NSMCE2: variants seen among roughly 807,000 people sequenced by gnomAD.
NSMCE2 encodes the protein E3 SUMO-protein ligase NSE2.
In NSMCE2, 24 loss-of-function variants were observed where a neutral mutation model predicts 23.8. That is an observed-to-expected ratio of 1.01 (90% CI 0.73 to 1.42). The LOEUF (loss-of-function observed/expected upper bound fraction) is 1.42, where lower values mean the gene tolerates loss of function less well. Ranked by LOEUF, NSMCE2 falls within the 40% of genes most tolerant of loss-of-function variation. The pLI is 0.00. For missense variants in NSMCE2, 284 were observed against 296.5 expected (o/e 0.96, Z 0.31); for synonymous variants, 92 against 94.1 (o/e 0.98, Z 0.13).
chr8:125,259,780 G>T (rs1316643348), intron 5 of NSMCE2, among the ~76,000 whole-genome samples: 2 of 152,152 alleles, frequency 1.3e-5, no homozygotes. Flanking sequence ...CTAAAACAGG[G>T]TAGGTAATGT....
At chr8:125,266,565 T>C (rs1327877646) in intron 5 of NSMCE2, among the ~76,000 whole-genome samples, 1 of 152,226 alleles carries the variant, frequency 6.6e-6, no homozygotes, top group African/African-American at 2.4e-5. Context: ...TTTTATACAA[T>C]GTATTATCAA....
At chr8:125,153,642 C>A (rs1475512881) in intron 4 of NSMCE2, among the ~76,000 whole-genome samples, 2 of 152,170 alleles carry the variant, frequency 1.3e-5, no homozygotes, top group Non-Finnish European at 2.9e-5. Flanking sequence ...GGTTCTTCTA[C>A]TTTCTAAGTT....
Position 125,272,777 on chromosome 8 carries a change from G to A in NSMCE2, c.419-84442G>A, listed in dbSNP as rs553305747. Among the ~76,000 whole-genome samples, 344 of 120,222 alleles carry A rather than the reference G, an allele frequency of 2.9e-3. 17 individuals carry two copies. Among genetic ancestry groups the A allele is most frequent in the African/African-American group, 9.6e-3 (296 of 30,682 alleles). The allele number at this position is 120,222 out of a possible 152,430, so 78.9% of individuals were successfully genotyped here. On this transcript the variant is annotated intron_variant, in intron 5 of 7. Coordinates refer to ENST00000287437, the MANE Select transcript of NSMCE2 (RefSeq NM_173685.4). ...CACGTATATATATATACACACACAC[G>A]TATATATATACACATGTGTATATAT... is the stretch of plus-strand genomic sequence containing the variant.
At chr8:125,316,404 A>G (rs1040630711) in intron 5 of NSMCE2, among the ~76,000 whole-genome samples, 3 of 152,350 alleles carry the variant, frequency 2.0e-5, no homozygotes, top group Non-Finnish European at 4.4e-5. Flanking sequence ...AAAGTGTATG[A>G]TAAGGTACAA....
chr8:125,238,353 A>AGC (rs1384347226), intron 5 of NSMCE2, among the ~76,000 whole-genome samples: 2 of 152,246 alleles, frequency 1.3e-5, no homozygotes, highest in Admixed American at 6.5e-5. Context: ...AAAAAAATAA[A>AGC]GCACAAGTTC....
chr8:125,261,174 A>G (rs534843380), intron 5 of NSMCE2, among the ~76,000 whole-genome samples: 1 of 152,294 alleles, frequency 6.6e-6, no homozygotes, highest in South Asian at 2.1e-4. Flanking sequence ...GAATTGTTCA[A>G]AGTTTATTGT....
chr8:125,193,387 A>G (rs543762202), intron 5 of NSMCE2, among the ~76,000 whole-genome samples: 9 of 152,356 alleles, frequency 5.9e-5, no homozygotes, highest in South Asian at 2.1e-4. Flanking sequence ...ACTTCTGTTT[A>G]AAAATTAGCA....
chr8:125,144,232 C>T (rs920433260), intron 3 of NSMCE2, among the ~76,000 whole-genome samples: 2 of 152,148 alleles, frequency 1.3e-5, no homozygotes, highest in African/African-American at 4.8e-5. Context: ...TAGGCTACAG[C>T]TATAGGGCAG....
rs376771234 is a variant in NSMCE2, at chr8:125,333,584, G to A, written c.419-23635G>A. ...GGCTGGAGTGCAGTGGCGCGATCTC[G>A]GCTCACTGCAAGCTCCGCCTCCCGG... On this transcript the variant is annotated intron_variant, in intron 5 of 7. Coordinates refer to ENST00000287437, the MANE Select transcript of NSMCE2 (RefSeq NM_173685.4). Among the ~76,000 whole-genome samples, 590 of 125,456 alleles carry A rather than the reference G, an allele frequency of 4.7e-3. 5 individuals carry two copies. Among genetic ancestry groups the A allele is most frequent in the African/African-American group, 0.017 (569 of 32,728 alleles). The allele number at this position is 125,456 out of a possible 152,430, so 82.3% of individuals were successfully genotyped here.
At chr8:125,206,671 T>C (rs1422459360) in intron 5 of NSMCE2, among the ~76,000 whole-genome samples, 1 of 152,222 alleles carries the variant, frequency 6.6e-6, no homozygotes, top group Non-Finnish European at 1.5e-5. Flanking sequence ...AGTTGTAGAC[T>C]GTCTCATGGA....
intron 5 of NSMCE2, among the ~76,000 whole-genome samples, chr8:125,224,906 A>G (rs1825029428): frequency 1.3e-5 from 2 of 152,314 alleles, no homozygotes; most frequent in East Asian, 3.9e-4. Flanking sequence ...GATTGACTTT[A>G]TTGAGGAAAA....
At chr8:125,333,339 T>G (rs1829950380) in intron 5 of NSMCE2, among the ~76,000 whole-genome samples, 1 of 150,970 alleles carries the variant, frequency 6.6e-6, no homozygotes, top group Admixed American at 6.6e-5. Flanking sequence ...CTGGGTAATT[T>G]TTTATTTTTT....
chr8:125,201,486 G>T (rs560216662), intron 5 of NSMCE2, among the ~76,000 whole-genome samples: 5 of 152,320 alleles, frequency 3.3e-5, no homozygotes, highest in South Asian at 2.1e-4. Context: ...TTGTTTGCCT[G>T]GGTATCACCA....
chr8:125,167,814 A>C (rs1331929458), intron 4 of NSMCE2, among the ~76,000 whole-genome samples: 1 of 150,280 alleles, frequency 6.7e-6, no homozygotes, highest in Admixed American at 6.6e-5. Context: ...AAATGCAAGC[A>C]TTGGGGGAAG....
At chr8:125,246,124 A>G (rs1331380474) in intron 5 of NSMCE2, among the ~76,000 whole-genome samples, 1 of 152,140 alleles carries the variant, frequency 6.6e-6, no homozygotes, top group African/African-American at 2.4e-5. Context: ...TAACTCTGTG[A>G]CAATTCAGTT....
chr8:125,229,939 A>C (rs1825252820), intron 5 of NSMCE2, among the ~76,000 whole-genome samples: 1 of 152,162 alleles, frequency 6.6e-6, no homozygotes, highest in South Asian at 2.1e-4. Context: ...AGAAGCATTA[A>C]TTATATATTT....
intron 3 of NSMCE2, among the ~76,000 whole-genome samples, chr8:125,116,329 C>T (rs1290528660): frequency 6.6e-6 from 1 of 152,116 alleles, no homozygotes; most frequent in Non-Finnish European, 1.5e-5. Context: ...CACCACAGGT[C>T]CTTCAGTGCA....
At chr8:125,192,935 T>G (rs560111901) in intron 5 of NSMCE2, among the ~76,000 whole-genome samples, 1 of 152,346 alleles carries the variant, frequency 6.6e-6, no homozygotes, top group Admixed American at 6.5e-5. Context: ...TTCCATACTT[T>G]AAGGAGATGT....
In NSMCE2 at chr8:125,141,047, G is replaced by A. The variant is rs565146472; in HGVS notation, c.158-10124G>A. Among the ~76,000 whole-genome samples the A allele has an allele frequency of 5.9e-5, 9 of 152,264 alleles. 1 individual carries two copies. In the South Asian group the frequency reaches 1.9e-3, roughly 32 times the overall value. ...AAAATGACAGATTCCCATAGCCTGA[G>A]TTTCCATAGTGTTTTTGATGGCTGG... On this transcript the variant is annotated intron_variant, in intron 3 of 7. Coordinates refer to ENST00000287437, the MANE Select transcript of NSMCE2 (RefSeq NM_173685.4).
Sources: allele counts gnomAD v4.1 joint callset (sites outside exome capture counted in the v4.1 genomes callset), GRCh38; gene constraint gnomAD v4.1.1; transcripts MANE v1.5; gene names NCBI Gene and HGNC (gene_info 2026-07-23, HGNC 2026-07-21).